CCNYL1: variants seen among roughly 807,000 people sequenced by gnomAD.
The protein encoded by CCNYL1 is cyclin Y like 1, also known as cyclin-Y-like protein 1.
Under a neutral mutation model 44.2 loss-of-function variants are expected in CCNYL1, and 16 were observed. The ratio of observed to expected loss-of-function variants is 0.36; its 90% CI spans 0.25 to 0.55. CCNYL1 has a LOEUF of 0.55. Among genes scored for constraint, CCNYL1 ranks in the 20% least tolerant of loss-of-function variants. The probability of loss-of-function intolerance (pLI) is 0.85; values close to 1 mark genes in which losing one functional copy is unlikely to be tolerated. For synonymous variants in CCNYL1, 159 were observed against 163.2 expected, an observed-to-expected ratio of 0.97 and a Z score of 0.20; for missense variants, 348 against 451.8, an observed-to-expected ratio of 0.77 and a Z score of 2.08.
At chr2:207,729,252 C>G (rs1473761648) in intron 3 of CCNYL1, among the ~76,000 whole-genome samples, 1 of 81,930 alleles carries the variant, frequency 1.2e-5, no homozygotes, top group African/African-American at 6.5e-5. Context: ...TTGTCTCCGC[C>G]CCCCCCCGCC....
intron 4 of CCNYL1, among the ~76,000 whole-genome samples, chr2:207,736,852 A>T (rs984735558): frequency 6.6e-6 from 1 of 152,220 alleles, no homozygotes; most frequent in East Asian, 1.9e-4. Flanking sequence ...GCAAATGGGG[A>T]TATATGTAAT....
chr2:207,724,280 C>A (rs1400925398), intron 1 of CCNYL1, among the ~76,000 whole-genome samples: 4 of 152,206 alleles, frequency 2.6e-5, no homozygotes, highest in Non-Finnish European at 5.9e-5. Flanking sequence ...CCCCAAAAAA[C>A]CACAGCTAAC....
intron 1 of CCNYL1, among the ~76,000 whole-genome samples, chr2:207,719,271 T>G (rs1261838351): frequency 6.6e-6 from 1 of 151,994 alleles, no homozygotes; most frequent in Admixed American, 6.6e-5. Context: ...GTTTTATAAT[T>G]TATTGTGCAT....
intron 8 of CCNYL1, among the ~76,000 whole-genome samples, chr2:207,747,800 C>T (rs1313830612): frequency 3.3e-5 from 5 of 152,110 alleles, no homozygotes; most frequent in African/African-American, 7.2e-5. Context: ...CCTTGTGATT[C>T]GCCCGCCTCC....
At chr2:207,745,340 A>G (rs2091847025) in intron 7 of CCNYL1, among the ~76,000 whole-genome samples, 1 of 152,166 alleles carries the variant, frequency 6.6e-6, no homozygotes, top group Non-Finnish European at 1.5e-5. Context: ...AGTGGGAAGA[A>G]AAGAACTCTC....
chr2:207,734,845 C>CA (rs1261866861), intron 4 of CCNYL1, among the ~76,000 whole-genome samples: 4 of 152,010 alleles, frequency 2.6e-5, no homozygotes, highest in African/African-American at 9.7e-5. Flanking sequence ...ATAATAATGT[C>CA]ACTTTCCTCT....
rs2091911335 is a variant in CCNYL1 at position 207,753,675 on chromosome 2, C to CA, written c.1057_1058insA (p.Arg353GlnfsTer3). On this transcript the variant is annotated frameshift_variant, in exon 10 of 10. Transcript: ENST00000295414. LOFTEE classifies it high-confidence loss of function. ...TGCTGATAACTTCATTGGTATTCAG[C>CA]GCTCTAAAGCCATCCTCTCTTAAAA... The CA allele has an allele frequency of 6.2e-7, 1 of 1,610,452 alleles. No individual in the cohort carries two copies. Among genetic ancestry groups the CA allele is most frequent in the African/African-American group, 1.3e-5 (1 of 74,816 alleles).
At chr2:207,751,143 G>A (rs2091887625) in intron 9 of CCNYL1, 24 bp downstream of exon 9, 2 of 1,597,684 alleles carry the variant, frequency 1.3e-6, no homozygotes, top group Non-Finnish European at 1.7e-6. Context: ...GTCACTAAGT[G>A]AGGTTTTCCA....
intron 3 of CCNYL1, among the ~76,000 whole-genome samples, chr2:207,729,160 T>G (rs1347137938): frequency 6.6e-6 from 1 of 151,716 alleles, no homozygotes; most frequent in Non-Finnish European, 1.5e-5. Context: ...GAATTTTGTT[T>G]TCTTTGTTCC....
In CCNYL1 at chr2:207,755,183, AG is replaced by A. The variant is rs1413366862; in HGVS notation, c.*1486del. ...TGCTTGAGTGCAGGAGTTCAAGACC[AG>A]TCTAGGCAACATAGTGAGACCCTGC... is the stretch of plus-strand genomic sequence containing the variant. On this transcript the variant is annotated 3_prime_UTR_variant, in exon 10 of 10. Transcript: ENST00000295414. 1 of 152,212 alleles carries A rather than the reference AG, an allele frequency of 6.6e-6. No homozygotes were observed. Among genetic ancestry groups the A allele is most frequent in the Admixed American group, 6.5e-5 (1 of 15,272 alleles). 9.4% of individuals were successfully genotyped at this position (152,212 alleles called of 1,614,324 possible).
At chr2:207,715,172 G>A (rs552823613) in intron 1 of CCNYL1, among the ~76,000 whole-genome samples, 20 of 152,118 alleles carry the variant, frequency 1.3e-4, no homozygotes, top group African/African-American at 4.8e-4. Context: ...GGAGGCTAAG[G>A]CAGGAGAATC....
chr2:207,712,155 C>G, intron 1 of CCNYL1, 39 bp downstream of exon 1: 1 of 1,534,876 alleles, frequency 6.5e-7, no homozygotes, highest in Non-Finnish European at 8.9e-7. Flanking sequence ...TCGGGCTCAC[C>G]TCTGCCCGCC....
Position 207,712,090 on chromosome 2 carries a change from A to C in CCNYL1, c.194A>C (p.His65Pro). ...GAGGGCGAGGGCCACCACCTGCAGC[A>C]CATCAGCGACCGCGAGATGCCCGAA... is the stretch of plus-strand genomic sequence containing the variant. ...FGEGEGHHLQ[H>P]ISDREMPEDL... Residue 65 changes from histidine (H) to proline (P), a missense_variant, in exon 1 of 10, where the codon CAC becomes CCC. Coordinates refer to ENST00000295414, the MANE Select transcript of CCNYL1 (RefSeq NM_001330218.2). 2 of 1,598,610 alleles carry C rather than the reference A, an allele frequency of 1.3e-6. No homozygotes were observed. Among genetic ancestry groups the C allele is most frequent in the Non-Finnish European group, 8.5e-7 (1 of 1,173,536 alleles).
intron 5 of CCNYL1, among the ~76,000 whole-genome samples, chr2:207,739,094 G>C (rs1575219040): frequency 6.6e-6 from 1 of 151,500 alleles, no homozygotes; most frequent in East Asian, 1.9e-4. Flanking sequence ...AAATCTTTAA[G>C]TATTGAGAAG....
chr2:207,742,784 A>G (rs2091821461), intron 7 of CCNYL1, among the ~76,000 whole-genome samples: 1 of 152,134 alleles, frequency 6.6e-6, no homozygotes, highest in Non-Finnish European at 1.5e-5. Flanking sequence ...CTATTGCCCT[A>G]AATTCTTTGT....
chr2:207,737,529 A>G, intron 5 of CCNYL1, 83 bp downstream of exon 5: 1 of 1,117,136 alleles, frequency 9.0e-7, no homozygotes, highest in Non-Finnish European at 1.3e-6. Flanking sequence ...ATAACTATAG[A>G]CATCATAAGC....
intron 3 of CCNYL1, among the ~76,000 whole-genome samples, chr2:207,727,845 C>CT (rs2091692222): frequency 6.6e-6 from 1 of 152,124 alleles, no homozygotes; most frequent in Non-Finnish European, 1.5e-5. Context: ...GTGTTTCCCT[C>CT]TATCTTGTTA....
At chr2:207,749,334 A>G (rs956822516) in intron 8 of CCNYL1, among the ~76,000 whole-genome samples, 1 of 152,202 alleles carries the variant, frequency 6.6e-6, no homozygotes, top group African/African-American at 2.4e-5. Flanking sequence ...AATTGAAACA[A>G]TTTTAAATTG....
chr2:207,734,190 C>A, intron 4 of CCNYL1, 143 bp downstream of exon 4: 1 of 537,014 alleles, frequency 1.9e-6, no homozygotes, highest in Non-Finnish European at 3.4e-6. Context: ...ATATTGATTT[C>A]AAGGATCTAA....
Sources: allele counts gnomAD v4.1 joint callset (sites outside exome capture counted in the v4.1 genomes callset), GRCh38; gene constraint gnomAD v4.1.1; transcripts MANE v1.5; gene names NCBI Gene and HGNC (gene_info 2026-07-23, HGNC 2026-07-21).